The following ZFC3H1 variants were observed in gnomAD, a reference collection of about 807,000 sequenced individuals.
The protein encoded by ZFC3H1 is zinc finger C3H1 domain-containing protein.
Under a neutral mutation model 243.7 loss-of-function variants are expected in ZFC3H1, and 71 were observed. The observed-to-expected ratio is 0.29, with a 90% CI of 0.24 to 0.36. ZFC3H1 has a LOEUF of 0.36. Ranked by LOEUF, ZFC3H1 falls within the 10% of genes least tolerant of loss-of-function variation. The pLI, the probability that ZFC3H1 is intolerant of heterozygous loss-of-function variation, is 1.00. For missense variants in ZFC3H1, 1,966 were observed against 2,317.1 expected (o/e 0.85, Z 3.11); for synonymous variants, 838 against 813.0 (o/e 1.03, Z -0.52).
chr12:71,634,001 T>C (rs1157856140), intron 12 of ZFC3H1, among the ~76,000 whole-genome samples, 154 bp downstream of exon 12: 1 of 152,250 alleles, frequency 6.6e-6, no homozygotes, highest in East Asian at 1.9e-4. Flanking sequence ...TATGTAAATG[T>C]AGTGTCATTC....
At position 71,632,240 on chromosome 12, in the gene ZFC3H1, A is replaced by G. The variant is rs1880340469; in HGVS notation, c.3092T>C (p.Val1031Ala). Reference protein sequence around the residue: ...KLTLDTEENDVDDEILSGSSR... With the variant: ...KLTLDTEENDADDEILSGSSR... ...TGAACCAGACAAAATTTCATCATCA[A>G]CATCATTTTCTTCAGTGTCCAGGGT... Residue 1031 changes from valine to alanine, a missense_variant, in exon 15 of 35, where the codon GTT becomes GCT. Around this residue, in one of 4 missense-constraint regions of ZFC3H1, gnomAD observed 1,383 missense variants for 1,723.7 expected, o/e 0.80. Transcript: ENST00000378743. 4 of 1,611,718 alleles carry G rather than the reference A, an allele frequency of 2.5e-6. No individual in the cohort carries two copies. The South Asian group carries it at 3.3e-5, about 13-fold the overall frequency.
At position 71,610,425 on chromosome 12, in the gene ZFC3H1, T is replaced by C. The variant is rs78500528; in HGVS notation, c.*3A>G. The C allele has an allele frequency of 5.8e-5, 93 of 1,612,514 alleles. 1 individual carries two copies. In the East Asian group the frequency reaches 1.5e-3, roughly 27 times the overall value. On this transcript the variant is annotated 3_prime_UTR_variant, in exon 35 of 35. Coordinates refer to ENST00000378743, the MANE Select transcript of ZFC3H1 (RefSeq NM_144982.5). ...AGGACTTAGAACTGACTGCACCCAG[T>C]GTTCAGTGATTCTTGCTTTCTGTTT... is the stretch of plus-strand genomic sequence containing the variant.
Position 71,615,617 on chromosome 12 carries a change from A to C in ZFC3H1, c.5145-301T>G, listed in dbSNP as rs138448813. Among the ~76,000 whole-genome samples, 734 of 152,216 alleles carry C rather than the reference A, an allele frequency of 4.8e-3. 3 individuals are homozygous for C. The highest frequency in any genetic ancestry group is 0.01 in the Middle Eastern group (3 of 294). ...TTGCAACCTCCACCTCCCAGGTTCA[A>C]GTGATTCTCATGTCTCAGCTTCCTG... On this transcript the variant is annotated intron_variant, in intron 27 of 34. Coordinates refer to ENST00000378743, the MANE Select transcript of ZFC3H1 (RefSeq NM_144982.5).
intron 2 of ZFC3H1, among the ~76,000 whole-genome samples, chr12:71,655,688 A>G (rs1461920012): frequency 4.6e-5 from 7 of 152,192 alleles, no homozygotes; most frequent in Non-Finnish European, 7.4e-5. Flanking sequence ...AGGCCCAGAC[A>G]CTTTTATCAG....
In ZFC3H1 at chr12:71,630,846, T is replaced by C. The variant is rs773090620; in HGVS notation, c.3579A>G (p.Thr1193=). ...QCFCRFDLTG[T]CNDDDCQWQH... is the part of the protein sequence containing the mutation. ...ACCATTGACAATCATCATCATTACA[T>C]GTTCCTGTTAAATCAAAACGGCAGA... The change falls in exon 17 of 35, where the codon ACA becomes ACG. Residue 1193 remains threonine (T), a synonymous_variant. Coordinates refer to ENST00000378743, the MANE Select transcript of ZFC3H1 (RefSeq NM_144982.5). 4 of 1,613,180 alleles carry C rather than the reference T, an allele frequency of 2.5e-6. No individual in the cohort carries two copies. Among genetic ancestry groups the C allele is most frequent in the Admixed American group, 1.7e-5 (1 of 59,972 alleles).
intron 1 of ZFC3H1, among the ~76,000 whole-genome samples, chr12:71,661,484 C>CTT (rs10658535): frequency 0.053 from 6,897 of 130,802 alleles, 722 homozygotes; most frequent in African/African-American, 0.19. Flanking sequence ...TATAATTTTC[C>CTT]TTTTTTTTTT....
intron 20 of ZFC3H1, among the ~76,000 whole-genome samples, chr12:71,628,473 C>T (rs1026766688): frequency 1.3e-5 from 2 of 152,306 alleles, no homozygotes; most frequent in Non-Finnish European, 2.9e-5. Context: ...CTCATTCATA[C>T]ATTATTTTGT....
chr12:71,642,366 T>C, intron 6 of ZFC3H1, 70 bp downstream of exon 6: 1 of 1,493,838 alleles, frequency 6.7e-7, no homozygotes, highest in East Asian at 2.3e-5. Flanking sequence ...TTAAAGGTTT[T>C]GAGTACCATA....
intron 26 of ZFC3H1, 94 bp downstream of exon 26, chr12:71,619,832 A>T: frequency 8.7e-7 from 1 of 1,151,542 alleles, no homozygotes; most frequent in Non-Finnish European, 1.2e-6. Context: ...CTGCTTGCAA[A>T]GGGTAAAAGG....
At chr12:71,662,494 C>A (rs1881207298) in intron 1 of ZFC3H1, among the ~76,000 whole-genome samples, 2 of 120,432 alleles carry the variant, frequency 1.7e-5, no homozygotes, top group Non-Finnish European at 1.7e-5. Context: ...TTTTTTTTAC[C>A]CCTCCCCCCC....
Position 71,646,640 on chromosome 12 carries a change from T to G in ZFC3H1, c.1080+1109A>C, listed in dbSNP as rs543028368. On this transcript the variant is annotated intron_variant, in intron 3 of 34. Coordinates refer to ENST00000378743, the MANE Select transcript of ZFC3H1 (RefSeq NM_144982.5). ...TTAAATTATTTAATTTTTTTCAACTTTGGATCTCACTATGTTGCCCAGGCT... is the reference window on the plus strand; with the variant it reads ...TTAAATTATTTAATTTTTTTCAACTGTGGATCTCACTATGTTGCCCAGGCT... Among the ~76,000 whole-genome samples the G allele has an allele frequency of 7.2e-5, 11 of 152,316 alleles. No individual in the cohort carries two copies. In the South Asian group the frequency reaches 1.7e-3, roughly 23 times the overall value.
In ZFC3H1 at chr12:71,624,111, A is replaced by T. The variant is rs1464542285; in HGVS notation, c.4499T>A (p.Ile1500Asn). Residue 1500 changes from isoleucine to asparagine, a missense_variant, in exon 23 of 35, where the codon ATT (isoleucine) becomes AAT (asparagine). Ile to Asn is a moderately radical substitution (Grantham distance 149, BLOSUM62 -3). Around this residue, in one of 4 missense-constraint regions of ZFC3H1, gnomAD observed 1,383 missense variants for 1,723.7 expected, o/e 0.80. Coordinates refer to ENST00000378743, the MANE Select transcript of ZFC3H1 (RefSeq NM_144982.5). ...FTGRCQSALA[I>N]LQNALKSAND... is the part of the protein sequence containing the mutation. ...GCTGTACCAAGTGCTTACCTGTAAA[A>T]TTGCCAGTGCACTTTGGCATCTTCC... 1.2e-6 allele frequency: 2 copies of T among 1,610,670 alleles called. No homozygotes were observed. The highest frequency in any genetic ancestry group is 2.7e-5 in the African/African-American group (2 of 74,516).
Position 71,633,353 on chromosome 12 carries a change from C to T in ZFC3H1, c.2596G>A (p.Ala866Thr). ...KKKESVRNAE[A>T]KITKLTEQLQ... ...TGTTCTGTAAGTTTTGTAATCTTTG[C>T]TTCAGCATTTCTAACAGATTCTTTC... Residue 866 changes from alanine to threonine, a missense_variant, in exon 13 of 35, where the codon GCA becomes ACA. By Grantham distance (58) the Ala-to-Thr change is moderately conservative (BLOSUM62 0). Transcript: ENST00000378743. The T allele has an allele frequency of 6.2e-7, 1 of 1,602,584 alleles. No homozygotes were observed. The highest frequency in any genetic ancestry group is 8.5e-7 in the Non-Finnish European group (1 of 1,174,278).
At chr12:71,642,716 T>C (rs561713971) in intron 5 of ZFC3H1, among the ~76,000 whole-genome samples, 157 bp from the exon 6 acceptor site, 5 of 152,334 alleles carry the variant, frequency 3.3e-5, no homozygotes, top group South Asian at 2.1e-4. Context: ...ATTCAAATGA[T>C]AGGTACACTG....
intron 23 of ZFC3H1, 101 bp from the exon 24 acceptor site, chr12:71,623,698 C>T: frequency 3.6e-6 from 3 of 834,916 alleles, no homozygotes; most frequent in Non-Finnish European, 5.4e-6. Flanking sequence ...ATAAAAAGGT[C>T]ACATTTATTT....
At chr12:71,638,992 G>C (rs541569901) in intron 6 of ZFC3H1, among the ~76,000 whole-genome samples, 9 of 152,252 alleles carry the variant, frequency 5.9e-5, no homozygotes, top group Admixed American at 5.9e-4. Context: ...AAGCTGTGTT[G>C]AAAGTAAATA....
intron 16 of ZFC3H1, among the ~76,000 whole-genome samples, chr12:71,631,292 T>C (rs1254666082): frequency 6.6e-6 from 1 of 152,066 alleles, no homozygotes; most frequent in Non-Finnish European, 1.5e-5. Context: ...AAAAAGTCTA[T>C]ATTACCTGGA....
chr12:71,624,687 G>C (rs1174267685), intron 22 of ZFC3H1, among the ~76,000 whole-genome samples: 1 of 152,202 alleles, frequency 6.6e-6, no homozygotes. Context: ...ATTTGTATTA[G>C]AAATGTGCTG....
chr12:71,636,757 A>T (rs1880472355), intron 8 of ZFC3H1, 93 bp downstream of exon 8: 1 of 1,555,726 alleles, frequency 6.4e-7, no homozygotes, highest in Non-Finnish European at 8.7e-7. Flanking sequence ...CTTTGCTGAA[A>T]AGCCCAATGA....
Sources: allele counts gnomAD v4.1 joint callset (sites outside exome capture counted in the v4.1 genomes callset), GRCh38; gene constraint gnomAD v4.1.1; regional missense constraint gnomAD v4.1.1; transcripts MANE v1.5; gene names NCBI Gene and HGNC (gene_info 2026-07-23, HGNC 2026-07-21).